Variants in CNTN4 observed in about 807,000 individuals in gnomAD.
CNTN4 encodes the protein contactin-4.
A neutral mutation model predicts 122.5 loss-of-function variants in CNTN4; 77 were observed. The observed-to-expected ratio is 0.63, with a 90% CI of 0.52 to 0.76. CNTN4 has a LOEUF of 0.76. CNTN4 is among the 30% of genes least tolerant of loss of function. The pLI is 0.00. For missense variants in CNTN4, 1,256 were observed against 1,259.1 expected, an observed-to-expected ratio of 1.00 and a Z score of 0.04; for synonymous variants, 512 against 447.0, an observed-to-expected ratio of 1.15 and a Z score of -1.83.
intron 2 of CNTN4, among the ~76,000 whole-genome samples, chr3:2,112,783 G>T (rs1322798009): frequency 6.6e-6 from 1 of 151,760 alleles, no homozygotes; most frequent in Non-Finnish European, 1.5e-5. Flanking sequence ...TTTTCTTCTG[G>T]TAAGTTACTA....
chr3:2,580,321 A>G (rs2079879224), intron 4 of CNTN4, among the ~76,000 whole-genome samples: 1 of 152,192 alleles, frequency 6.6e-6, no homozygotes, highest in African/African-American at 2.4e-5. Context: ...GGGGCCTGGC[A>G]GTGGCAGAGA....
rs35068617 is a variant in CNTN4 at position 2,385,846 on chromosome 3, C to T, written c.-89+46613C>T. On this transcript the variant is annotated intron_variant, in intron 3 of 24. Transcript: ENST00000418658. The surrounding 1 kb of genome is among the most constrained non-coding windows in gnomAD (Gnocchi z 4.0). The stretch of plus-strand genomic sequence containing the variant: ...GGTCACATTCACACGTACCAGGGGT[C>T]AAGACTTCAACACATCTTTTTAGCG... 0.13 allele frequency among the ~76,000 whole-genome samples: 19,546 copies of T among 151,974 alleles called. 1,338 individuals carry two copies. The highest frequency in any genetic ancestry group is 0.16 in the Middle Eastern group (48 of 294).
chr3:2,377,617 C>G (rs1304539077), intron 3 of CNTN4, among the ~76,000 whole-genome samples: 2 of 152,186 alleles, frequency 1.3e-5, no homozygotes, highest in Non-Finnish European at 2.9e-5. Context: ...GAAGCTGAGA[C>G]AGTAAAACTG....
chr3:2,689,817 G>A (rs992072870), intron 4 of CNTN4, among the ~76,000 whole-genome samples: 7 of 152,188 alleles, frequency 4.6e-5, no homozygotes, highest in African/African-American at 1.7e-4. Context: ...TAAGGTCACA[G>A]AGCAATCCTT....
intron 3 of CNTN4, among the ~76,000 whole-genome samples, chr3:2,433,584 A>G (rs1265795041): frequency 6.6e-6 from 1 of 151,876 alleles, no homozygotes; most frequent in African/African-American, 2.4e-5. Flanking sequence ...TTGTCTCTTT[A>G]TTAGTTGTTT....
intron 12 of CNTN4, among the ~76,000 whole-genome samples, chr3:2,911,123 A>C (rs2094294603): frequency 6.6e-6 from 1 of 151,968 alleles, no homozygotes; most frequent in African/African-American, 2.4e-5. Context: ...GTACTACCTA[A>C]GGGAGTGGTT....
At chr3:2,916,271 A>G (rs945427258) in intron 12 of CNTN4, among the ~76,000 whole-genome samples, 11 of 151,340 alleles carry the variant, frequency 7.3e-5, no homozygotes, top group Non-Finnish European at 1.3e-4. Context: ...GCAGGGTCAT[A>G]GGACAATAGT....
At chr3:2,301,041 G>T (rs2042497106) in intron 2 of CNTN4, among the ~76,000 whole-genome samples, 1 of 152,120 alleles carries the variant, frequency 6.6e-6, no homozygotes, top group South Asian at 2.1e-4. Context: ...ATCCGGATTT[G>T]TATTAAGCCA....
chr3:2,476,762 A>G (rs776486410), intron 3 of CNTN4, among the ~76,000 whole-genome samples: 6 of 152,196 alleles, frequency 3.9e-5, no homozygotes, highest in Non-Finnish European at 7.3e-5. Flanking sequence ...AAATATTCTA[A>G]AAACTCCTTG....
intron 4 of CNTN4, among the ~76,000 whole-genome samples, chr3:2,597,186 C>G (rs1576155758): frequency 6.6e-6 from 1 of 152,184 alleles, no homozygotes; most frequent in East Asian, 1.9e-4. Context: ...TTTGCAGCTA[C>G]TACTACCCAC....
At chr3:2,649,487 A>G (rs2083271313) in intron 4 of CNTN4, among the ~76,000 whole-genome samples, 1 of 152,212 alleles carries the variant, frequency 6.6e-6, no homozygotes, top group Non-Finnish European at 1.5e-5. Context: ...AAGCCTGGAT[A>G]ACAGTACATC....
At chr3:2,627,927 A>G (rs1351269573) in intron 4 of CNTN4, among the ~76,000 whole-genome samples, 1 of 152,256 alleles carries the variant, frequency 6.6e-6, no homozygotes, top group African/African-American at 2.4e-5. Flanking sequence ...TTCTGTCGTC[A>G]AGTAATCACA....
intron 12 of CNTN4, among the ~76,000 whole-genome samples, chr3:2,906,220 TACA>T (rs1313097222): frequency 6.6e-6 from 1 of 152,118 alleles, no homozygotes; most frequent in East Asian, 1.9e-4. Flanking sequence ...GTTCAAAGAA[TACA>T]ACACTTCAGT....
chr3:2,149,340 T>A (rs1485209001), intron 2 of CNTN4, among the ~76,000 whole-genome samples: 1 of 152,154 alleles, frequency 6.6e-6, no homozygotes, highest in African/African-American at 2.4e-5. Flanking sequence ...GGAGCACATT[T>A]ATATGAGGGT....
intron 4 of CNTN4, among the ~76,000 whole-genome samples, chr3:2,575,051 A>G (rs1000818091): frequency 2.0e-5 from 3 of 152,150 alleles, no homozygotes; most frequent in Admixed American, 6.5e-5. Context: ...ATTTTAAAAT[A>G]GGTAGAAGAG....
intron 13 of CNTN4, among the ~76,000 whole-genome samples, chr3:2,933,669 C>G (rs891720784): frequency 8.5e-5 from 13 of 152,208 alleles, no homozygotes; most frequent in African/African-American, 2.7e-4. Context: ...TTTTGAAAGG[C>G]CTTTTCTATT....
At chr3:3,055,912 C>T (rs1057038578) in intron 24 of CNTN4, among the ~76,000 whole-genome samples, 1 of 152,180 alleles carries the variant, frequency 6.6e-6, no homozygotes, top group East Asian at 1.9e-4. Flanking sequence ...TTTACAAATG[C>T]TTTGACAGAG....
At chr3:2,276,979 A>T (rs2041535380) in intron 2 of CNTN4, among the ~76,000 whole-genome samples, 1 of 152,190 alleles carries the variant, frequency 6.6e-6, no homozygotes, top group African/African-American at 2.4e-5. Context: ...AAAAATCCAT[A>T]TGCCACAGGA....
chr3:2,104,465 G>C (rs1282637871), intron 2 of CNTN4, among the ~76,000 whole-genome samples: 1 of 152,176 alleles, frequency 6.6e-6, no homozygotes, highest in Non-Finnish European at 1.5e-5. Flanking sequence ...TCCTGACTGA[G>C]TGGCTGTCCA....
Sources: gnomAD v4.1 joint callset for allele counts (sites outside exome capture counted in the v4.1 genomes callset) on GRCh38, gnomAD v4.1.1 for gene constraint, Gnocchi (gnomAD v3.1) non-coding constraint, MANE v1.5 for transcripts, NCBI Gene and HGNC (gene_info 2026-07-23, HGNC 2026-07-21) for gene names.